Variants in ALPK1 observed in about 807,000 individuals in gnomAD.
The protein encoded by ALPK1 is alpha kinase 1, also known as alpha-protein kinase 1.
ALPK1 carries 110 observed loss-of-function variants against 120.6 expected under a neutral mutation model. The observed-to-expected ratio is 0.91, with a 90% CI of 0.78 to 1.07. ALPK1 has a LOEUF of 1.07. Ranked by LOEUF, ALPK1 falls within the 50% of genes least tolerant of loss-of-function variation. The pLI, the probability that ALPK1 is intolerant of heterozygous loss-of-function variation, is 0.00. For missense variants in ALPK1, 1,498 were observed against 1,483.9 expected, an observed-to-expected ratio of 1.01 and a Z score of -0.16; for synonymous variants, 582 against 560.3, an observed-to-expected ratio of 1.04 and a Z score of -0.55.
At chr4:112,327,372 G>C (rs1315771257) in intron 2 of ALPK1, among the ~76,000 whole-genome samples, 1 of 152,180 alleles carries the variant, frequency 6.6e-6, no homozygotes, top group Non-Finnish European at 1.5e-5. Flanking sequence ...TTCAGTAAAT[G>C]GTGGGTACTG....
chr4:112,371,496 A>G (rs1165521674), intron 2 of ALPK1, among the ~76,000 whole-genome samples: 1 of 152,136 alleles, frequency 6.6e-6, no homozygotes, highest in Non-Finnish European at 1.5e-5. Flanking sequence ...CATAACAGCC[A>G]TTCCCCACCA....
chr4:112,298,267 GTC>G (rs139030128), intron 1 of ALPK1, among the ~76,000 whole-genome samples: 3 of 150,904 alleles, frequency 2.0e-5, no homozygotes, highest in Non-Finnish European at 4.4e-5. Flanking sequence ...CTCTCTCTCT[GTC>G]TCTCTCTCTC....
At chr4:112,429,030 G>A (rs529908462) in intron 9 of ALPK1, 119 bp from the exon 10 acceptor site, 45 of 843,418 alleles carry the variant, frequency 5.3e-5, no homozygotes, top group Admixed American at 2.8e-4. Flanking sequence ...TGTTCTGAAC[G>A]GGTTGCGGTG....
Position 112,431,351 on chromosome 4 carries a change from G to C in ALPK1, c.1804G>C (p.Val602Leu), listed in dbSNP as rs147228808. 1 of 1,614,190 alleles carries C rather than the reference G, an allele frequency of 6.2e-7. No individual in the cohort carries two copies. The highest frequency in any genetic ancestry group is 1.3e-5 in the African/African-American group (1 of 75,066). ...SASWEEVNYH[V>L]DDRSARKEPG... ...AAGCTGGGAGGAAGTGAATTATCAC[G>C]TTGACGACAGGTCAGCCAGAAAAGA... Residue 602 changes from valine (V) to leucine (L), a missense_variant, in exon 11 of 16, where the codon GTT becomes CTT. Physicochemically the swap from Val to Leu is conservative, Grantham distance 32 (BLOSUM62 1). Transcript: ENST00000650871.
chr4:112,355,381 A>T (rs1365678091), intron 2 of ALPK1, among the ~76,000 whole-genome samples: 1 of 152,160 alleles, frequency 6.6e-6, no homozygotes, highest in Non-Finnish European at 1.5e-5. Flanking sequence ...TGGGGGAGAC[A>T]GCGACACGAG....
chr4:112,322,899 T>C (rs1265649751), intron 2 of ALPK1, among the ~76,000 whole-genome samples: 4 of 152,256 alleles, frequency 2.6e-5, no homozygotes, highest in African/African-American at 9.6e-5. Flanking sequence ...GTAGCTGCTA[T>C]ACAGCAATAA....
chr4:112,382,442 GA>G lies in ALPK1; in HGVS notation c.169del (p.Met57Ter). On this transcript the variant is annotated frameshift_variant, in exon 4 of 16. Transcript: ENST00000650871. LOFTEE classifies it high-confidence loss of function. ...AAGGACCCTGATCCAGGAGGCAAAG[GA>G]AATGAAGTGGCCCTTCGTGCCTGAA... ...ELRTLIQEAKEMKWPFVPEKW... is the reference protein window; with the variant it reads ...ELRTLIQEAKXMKWPFVPEKW... The G allele has an allele frequency of 6.8e-6, 11 of 1,614,102 alleles. No homozygotes were observed. The highest frequency in any genetic ancestry group is 9.3e-6 in the Non-Finnish European group (11 of 1,180,030).
chr4:112,438,728 A>G (rs1443935574), intron 13 of ALPK1, 82 bp downstream of exon 13: 1 of 1,464,020 alleles, frequency 6.8e-7, no homozygotes, highest in Non-Finnish European at 9.4e-7. Flanking sequence ...GTTCCACATA[A>G]TCAGGCTAGC....
intron 1 of ALPK1, among the ~76,000 whole-genome samples, chr4:112,308,030 A>C (rs1046730899): frequency 5.3e-5 from 8 of 152,068 alleles, no homozygotes; most frequent in Non-Finnish European, 1.0e-4. Flanking sequence ...TGAAAATGAA[A>C]TTCTGGGTTG....
chr4:112,326,044 C>A (rs1368273174), intron 2 of ALPK1, among the ~76,000 whole-genome samples: 3 of 152,134 alleles, frequency 2.0e-5, no homozygotes, highest in African/African-American at 2.4e-5. Context: ...GAGTGCCTGG[C>A]CTTCCTAGGG....
intron 1 of ALPK1, among the ~76,000 whole-genome samples, chr4:112,301,960 C>T (rs1020542579): frequency 1.3e-5 from 2 of 152,228 alleles, no homozygotes; most frequent in East Asian, 1.9e-4. Context: ...AACCTTCACT[C>T]GATGACCTCT....
intron 2 of ALPK1, among the ~76,000 whole-genome samples, chr4:112,316,817 T>C (rs545981817): frequency 6.6e-6 from 1 of 152,012 alleles, no homozygotes; most frequent in South Asian, 2.1e-4. Context: ...TTTCAAGCTT[T>C]GTCTGCTTTA....
At chr4:112,432,842 G>T (rs1734634515) in intron 11 of ALPK1, among the ~76,000 whole-genome samples, 1 of 152,198 alleles carries the variant, frequency 6.6e-6, no homozygotes, top group Non-Finnish European at 1.5e-5. Context: ...AGGGAGACAG[G>T]AAACTTAGAG....
chr4:112,403,780 A>C (rs768356581), intron 4 of ALPK1, among the ~76,000 whole-genome samples: 1 of 152,186 alleles, frequency 6.6e-6, no homozygotes, highest in African/African-American at 2.4e-5. Context: ...CTCCAAGTCT[A>C]CTTTTCCAAG....
At chr4:112,418,622 C>T (rs1009945872) in intron 5 of ALPK1, among the ~76,000 whole-genome samples, 2 of 152,132 alleles carry the variant, frequency 1.3e-5, no homozygotes, top group African/African-American at 4.8e-5. Context: ...TTCCACACCC[C>T]ACGATGACAA....
intron 2 of ALPK1, among the ~76,000 whole-genome samples, chr4:112,338,111 C>T (rs1392099844): frequency 1.3e-5 from 2 of 152,054 alleles, no homozygotes; most frequent in African/African-American, 2.4e-5. Flanking sequence ...GGATTACAGA[C>T]GCACGCCACC....
intron 2 of ALPK1, among the ~76,000 whole-genome samples, chr4:112,317,067 C>T (rs1458265120): frequency 6.6e-6 from 1 of 152,034 alleles, no homozygotes; most frequent in Non-Finnish European, 1.5e-5. Context: ...TAATGCTTTG[C>T]CCATTTTTTA....
At chr4:112,326,462 C>T (rs973740891) in intron 2 of ALPK1, among the ~76,000 whole-genome samples, 1 of 152,104 alleles carries the variant, frequency 6.6e-6, no homozygotes, top group African/African-American at 2.4e-5. Context: ...CCCCACCTAC[C>T]TAGCATGGTG....
chr4:112,300,171 A>G (rs975015567), intron 1 of ALPK1, among the ~76,000 whole-genome samples: 4 of 152,348 alleles, frequency 2.6e-5, no homozygotes, highest in Middle Eastern at 6.8e-3. Context: ...AGGATAAAAA[A>G]TAGTACCAGC....
Sources: gnomAD v4.1 joint callset for allele counts (sites outside exome capture counted in the v4.1 genomes callset) on GRCh38, gnomAD v4.1.1 for gene constraint, MANE v1.5 for transcripts, NCBI Gene and HGNC (gene_info 2026-07-23, HGNC 2026-07-21) for gene names.